FNIP1: variants seen among roughly 807,000 people sequenced by gnomAD.
FNIP1 encodes folliculin interacting protein 1, also known as folliculin-interacting protein 1.
In FNIP1, 40 loss-of-function variants were observed where a neutral mutation model predicts 124.5. The observed-to-expected ratio is 0.32, with a 90% CI of 0.25 to 0.42. The LOEUF is 0.42. FNIP1 is among the 10% of genes least tolerant of loss of function. FNIP1 has a pLI of 1.00. For synonymous variants in FNIP1, 472 were observed against 470.6 expected, an observed-to-expected ratio of 1.00 and a Z score of -0.04; for missense variants, 1,176 against 1,403.7, an observed-to-expected ratio of 0.84 and a Z score of 2.59.
At chr5:131,766,233 G>A (rs1771419588) in intron 1 of FNIP1, among the ~76,000 whole-genome samples, 1 of 151,796 alleles carries the variant, frequency 6.6e-6, no homozygotes, top group African/African-American at 2.4e-5. Context: ...CTACAGAAAG[G>A]GTCTTGCTAT....
chr5:131,782,580 A>C (rs1375237719), intron 1 of FNIP1, among the ~76,000 whole-genome samples: 1 of 152,060 alleles, frequency 6.6e-6, no homozygotes, highest in African/African-American at 2.4e-5. Context: ...AGAAATAAAA[A>C]AGAAAGAAAA....
intron 1 of FNIP1, among the ~76,000 whole-genome samples, chr5:131,759,516 C>T (rs1284396332): frequency 6.6e-6 from 1 of 152,130 alleles, no homozygotes; most frequent in Non-Finnish European, 1.5e-5. Flanking sequence ...CACTAATCAT[C>T]AGATAGAGAC....
chr5:131,657,019 CTTTTTTT>C (rs71000999), intron 15 of FNIP1, among the ~76,000 whole-genome samples: 3 of 89,626 alleles, frequency 3.3e-5, no homozygotes, highest in Admixed American at 1.3e-4. Context: ...CCACCCATGC[CTTTTTTT>C]TTTTTTTTTT....
intron 11 of FNIP1, among the ~76,000 whole-genome samples, chr5:131,682,827 ATCTGTCCCCTTATTTTTCCCAG>A (rs892623544): frequency 2.0e-5 from 3 of 152,292 alleles, no homozygotes; most frequent in South Asian, 2.1e-4. Flanking sequence ...ACTTTCAGTA[ATCTGTCCCCTTATTTTTCCCAG>A]TCTGTCCCCT....
intron 1 of FNIP1, among the ~76,000 whole-genome samples, chr5:131,777,596 C>T (rs993776413): frequency 2.0e-5 from 3 of 152,042 alleles, no homozygotes; most frequent in Non-Finnish European, 4.4e-5. Flanking sequence ...GAAATATCAA[C>T]CAAAAAAAGT....
chr5:131,691,775 T>C (rs1007603221), intron 11 of FNIP1, among the ~76,000 whole-genome samples: 8 of 152,116 alleles, frequency 5.3e-5, no homozygotes, highest in Non-Finnish European at 8.8e-5. Context: ...TAAGGAGAAA[T>C]AGATTAACTT....
intron 11 of FNIP1, among the ~76,000 whole-genome samples, chr5:131,680,298 C>T (rs1417208145): frequency 6.6e-6 from 1 of 152,142 alleles, no homozygotes; most frequent in African/African-American, 2.4e-5. Context: ...TATCTTGCCT[C>T]TACAAATTTT....
chr5:131,649,285 G>T (rs1429020215), intron 16 of FNIP1, among the ~76,000 whole-genome samples: 2 of 152,052 alleles, frequency 1.3e-5, no homozygotes, highest in Non-Finnish European at 2.9e-5. Context: ...AATGCATGAG[G>T]GTTCCAAGGT....
chr5:131,714,371 A>C (rs1266988926), intron 6 of FNIP1, among the ~76,000 whole-genome samples: 2 of 151,954 alleles, frequency 1.3e-5, no homozygotes, highest in Non-Finnish European at 2.9e-5. Flanking sequence ...TTACATAGTC[A>C]TTTCCCCTAA....
chr5:131,761,900 G>A (rs544787349), intron 1 of FNIP1, among the ~76,000 whole-genome samples: 62 of 152,150 alleles, frequency 4.1e-4, no homozygotes, highest in African/African-American at 1.4e-3. Context: ...GCATGATACT[G>A]GTATAAAAAC....
At chr5:131,681,992 T>A (rs1768101007) in intron 11 of FNIP1, among the ~76,000 whole-genome samples, 1 of 152,066 alleles carries the variant, frequency 6.6e-6, no homozygotes, top group African/African-American at 2.4e-5. Flanking sequence ...TGGAAGTAAA[T>A]AACAAGAAAT....
At chr5:131,731,165 A>C (rs1770075489) in intron 2 of FNIP1, 127 bp from the exon 3 acceptor site, 1 of 780,278 alleles carries the variant, frequency 1.3e-6, no homozygotes, top group Admixed American at 3.2e-5. Context: ...TAATATGGCT[A>C]TTGGCATTTT....
intron 15 of FNIP1, among the ~76,000 whole-genome samples, chr5:131,653,488 G>A (rs535015093): frequency 1.3e-5 from 2 of 151,748 alleles, no homozygotes; most frequent in South Asian, 4.2e-4. Context: ...GCAGTGAGCT[G>A]AGATCGTGCC....
chr5:131,661,366 T>G (rs538269719), intron 15 of FNIP1, among the ~76,000 whole-genome samples: 1 of 152,162 alleles, frequency 6.6e-6, no homozygotes, highest in South Asian at 2.1e-4. Flanking sequence ...TTCAACAGGT[T>G]TGACCTGGGG....
intron 16 of FNIP1, among the ~76,000 whole-genome samples, chr5:131,647,919 CT>C (rs1292082883): frequency 3.3e-5 from 5 of 151,768 alleles, no homozygotes; most frequent in African/African-American, 1.2e-4. Context: ...TAAATTAATA[CT>C]TTTCAAATGT....
intron 16 of FNIP1, among the ~76,000 whole-genome samples, chr5:131,650,739 G>A (rs1490874440): frequency 2.6e-5 from 4 of 152,236 alleles, no homozygotes; most frequent in African/African-American, 9.6e-5. Flanking sequence ...TTAGTGTGAT[G>A]TTGGCTATGG....
At chr5:131,791,906 T>C (rs1772417248) in intron 1 of FNIP1, among the ~76,000 whole-genome samples, 1 of 151,940 alleles carries the variant, frequency 6.6e-6, no homozygotes, top group Non-Finnish European at 1.5e-5. Flanking sequence ...GCTAGCAAAT[T>C]AGCAAAAGCC....
At chr5:131,709,146 A>T in intron 8 of FNIP1, 55 bp downstream of exon 8, 1 of 1,453,852 alleles carries the variant, frequency 6.9e-7, no homozygotes, top group South Asian at 1.2e-5. Flanking sequence ...ATAAAAAAGA[A>T]AATCAATGCC....
chr5:131,690,501 A>G (rs1452179992), intron 11 of FNIP1, among the ~76,000 whole-genome samples: 1 of 152,098 alleles, frequency 6.6e-6, no homozygotes, highest in Admixed American at 6.6e-5. Context: ...TGATGGTTTT[A>G]TAAGGAGCTC....
Sources: allele counts gnomAD v4.1 joint callset (sites outside exome capture counted in the v4.1 genomes callset), GRCh38; gene constraint gnomAD v4.1.1; transcripts MANE v1.5; gene names NCBI Gene and HGNC (gene_info 2026-07-23, HGNC 2026-07-21).